PTPRT: variants seen among roughly 807,000 people sequenced by gnomAD.
PTPRT encodes receptor-type tyrosine-protein phosphatase T.
A neutral mutation model predicts 176.8 loss-of-function variants in PTPRT; 56 were observed. That is an observed-to-expected ratio of 0.32 (90% CI 0.26 to 0.40). PTPRT has a LOEUF of 0.40. PTPRT is among the 10% of genes least tolerant of loss of function. PTPRT has a pLI of 1.00. For missense variants in PTPRT, 1,540 were observed against 1,908.2 expected (o/e 0.81, Z 3.60); for synonymous variants, 783 against 739.0 (o/e 1.06, Z -0.96).
intron 27 of PTPRT, among the ~76,000 whole-genome samples, chr20:42,087,099 C>T (rs1339126774): frequency 6.6e-6 from 1 of 151,752 alleles, no homozygotes; most frequent in East Asian, 2.0e-4. Context: ...TTGCTATGGG[C>T]ATTTAGTGAG....
intron 1 of PTPRT, among the ~76,000 whole-genome samples, chr20:43,165,070 G>A (rs951868181): frequency 2.0e-5 from 3 of 152,114 alleles, no homozygotes; most frequent in Non-Finnish European, 2.9e-5. Flanking sequence ...GAGTCATGGG[G>A]GTGGGTTTTT....
intron 1 of PTPRT, among the ~76,000 whole-genome samples, chr20:43,009,139 T>C (rs1270947932): frequency 1.3e-5 from 2 of 152,122 alleles, no homozygotes; most frequent in African/African-American, 4.8e-5. Context: ...TACTTCAAGG[T>C]CAATGAATTT....
intron 1 of PTPRT, among the ~76,000 whole-genome samples, chr20:43,167,247 C>T (rs2014881066): frequency 1.3e-5 from 2 of 152,154 alleles, no homozygotes; most frequent in Non-Finnish European, 1.5e-5. Flanking sequence ...CATACAGCAA[C>T]AAAGAAAGGA....
At chr20:42,870,249 T>A (rs1258892929) in intron 2 of PTPRT, among the ~76,000 whole-genome samples, 22 of 152,204 alleles carry the variant, frequency 1.4e-4, no homozygotes, top group Admixed American at 1.4e-3. Context: ...ATAAGTACAA[T>A]CATACAGTAC....
chr20:42,438,826 C>T (rs531088565), intron 9 of PTPRT, among the ~76,000 whole-genome samples: 1 of 152,198 alleles, frequency 6.6e-6, no homozygotes, highest in African/African-American at 2.4e-5. Flanking sequence ...TTGATTTCCA[C>T]TGTCAAGTTA....
At chr20:42,085,622 AG>A in intron 28 of PTPRT, 105 bp downstream of exon 28, 2 of 1,483,552 alleles carry the variant, frequency 1.3e-6, no homozygotes, top group Non-Finnish European at 1.8e-6. Context: ...AATTATCAGG[AG>A]AGCACAACAC....
At chr20:42,654,439 A>G (rs985388696) in intron 7 of PTPRT, among the ~76,000 whole-genome samples, 3 of 152,182 alleles carry the variant, frequency 2.0e-5, no homozygotes, top group Non-Finnish European at 4.4e-5. Context: ...ACTGGCCACA[A>G]ATGAGAACAT....
rs192947663 is a variant in PTPRT, at chr20:42,439,761, C to A, written c.1560+8459G>T. On this transcript the variant is annotated intron_variant, in intron 9 of 30. Transcript: ENST00000373187. ...ACTTAAAAACAACAAACAAATACAG[C>A]ATATGGATAGCGCCCCCTCCCCTAG... 1.4e-3 allele frequency among the ~76,000 whole-genome samples: 217 copies of A among 152,294 alleles called. 2 individuals are homozygous for A. Among genetic ancestry groups the A allele is most frequent in the Admixed American group, 0.013 (196 of 15,296 alleles).
chr20:42,433,384 C>A (rs1454313720), intron 9 of PTPRT, among the ~76,000 whole-genome samples: 1 of 152,204 alleles, frequency 6.6e-6, no homozygotes, highest in African/African-American at 2.4e-5. Context: ...ACCTATCCCC[C>A]TATCAACCTT....
intron 7 of PTPRT, among the ~76,000 whole-genome samples, chr20:42,659,748 G>C (rs1159204924): frequency 2.0e-5 from 3 of 152,132 alleles, no homozygotes; most frequent in Non-Finnish European, 4.4e-5. Context: ...TTCATATACA[G>C]TCCTATATAA....
chr20:42,879,845 C>A (rs1219446104), intron 2 of PTPRT, among the ~76,000 whole-genome samples: 3 of 152,124 alleles, frequency 2.0e-5, no homozygotes, highest in African/African-American at 7.2e-5. Context: ...ACTCACTAAG[C>A]TTTTTGTATT....
rs545323054 is a variant in PTPRT, at chr20:42,691,147, T to TA, written c.860-12989dup. Among the ~76,000 whole-genome samples, 19 of 152,304 alleles carry TA rather than the reference T, an allele frequency of 1.2e-4. No individual in the cohort carries two copies. The East Asian group carries it at 2.7e-3, about 22-fold the overall frequency. On this transcript the variant is annotated intron_variant, in intron 6 of 30. Transcript: ENST00000373187. ...TCAGCTTTATGCATGTGGTAGCCAC[T>TA]AATCTCCCACCAGGACAGGCAACTC...
At chr20:42,855,004 G>C (rs2078536495) in intron 2 of PTPRT, among the ~76,000 whole-genome samples, 1 of 152,166 alleles carries the variant, frequency 6.6e-6, no homozygotes, top group Admixed American at 6.5e-5. Flanking sequence ...TGGGAGCAGG[G>C]AACTAGGGGA....
At chr20:43,111,113 G>T (rs192023184) in intron 1 of PTPRT, among the ~76,000 whole-genome samples, 2 of 152,256 alleles carry the variant, frequency 1.3e-5, no homozygotes, top group Non-Finnish European at 2.9e-5. Flanking sequence ...AAGGGTAGGG[G>T]ATAGACAAGC....
At chr20:43,023,138 T>C (rs1191547119) in intron 1 of PTPRT, among the ~76,000 whole-genome samples, 1 of 152,172 alleles carries the variant, frequency 6.6e-6, no homozygotes, top group Non-Finnish European at 1.5e-5. Flanking sequence ...CTGTGCTTGA[T>C]GATTATAGAG....
At chr20:42,071,519 T>TC (rs1982333713), downstream of PTPRT, among the ~76,000 whole-genome samples, 1 of 152,128 alleles carries the variant, frequency 6.6e-6, no homozygotes, top group Non-Finnish European at 1.5e-5. Context: ...ACCTATTGAA[T>TC]CAGGCTCTAC....
chr20:42,417,885 G>A (rs945597150), intron 9 of PTPRT, among the ~76,000 whole-genome samples: 5 of 151,896 alleles, frequency 3.3e-5, no homozygotes, highest in African/African-American at 1.2e-4. Context: ...TGACAGGCAT[G>A]AGCCACTGCA....
intron 10 of PTPRT, among the ~76,000 whole-genome samples, chr20:42,351,502 T>C (rs2058283215): frequency 6.6e-6 from 1 of 152,126 alleles, no homozygotes; most frequent in Non-Finnish European, 1.5e-5. Flanking sequence ...AAAAAACATG[T>C]TTTTCTGGAA....
At chr20:42,793,212 C>A (rs975753037) in intron 2 of PTPRT, among the ~76,000 whole-genome samples, 1 of 152,164 alleles carries the variant, frequency 6.6e-6, no homozygotes, top group Non-Finnish European at 1.5e-5. Context: ...ATAAGGGATA[C>A]AAGTGCAGCT....
Sources: gnomAD v4.1 joint callset for allele counts (sites outside exome capture counted in the v4.1 genomes callset) on GRCh38, gnomAD v4.1.1 for gene constraint, MANE v1.5 for transcripts, NCBI Gene and HGNC (gene_info 2026-07-23, HGNC 2026-07-21) for gene names.